Variants in ZNF808 observed in about 807,000 individuals in gnomAD.
ZNF808 encodes the protein zinc finger protein 808.
In ZNF808, 5 loss-of-function variants were observed where a neutral mutation model predicts 8.7. The observed-to-expected ratio is 0.58, with a 90% CI of 0.30 to 1.21. The LOEUF (loss-of-function observed/expected upper bound fraction) is 1.21. ZNF808 is among the 50% of genes most tolerant of loss of function. ZNF808 has a pLI of 0.07. For synonymous variants in ZNF808, 380 were observed against 366.0 expected (o/e 1.04, Z -0.44); for missense variants, 1,103 against 1,098.4 (o/e 1.00, Z -0.06).
intron 4 of ZNF808, among the ~76,000 whole-genome samples, chr19:52,550,798 A>G (rs557547930): frequency 6.6e-6 from 1 of 152,200 alleles, no homozygotes; most frequent in South Asian, 2.1e-4. Context: ...GAATACTATT[A>G]GATGGCTTCA....
intron 1 of ZNF808, among the ~76,000 whole-genome samples, chr19:52,531,099 G>T (rs1178257945): frequency 6.6e-6 from 1 of 152,180 alleles, no homozygotes; most frequent in Non-Finnish European, 1.5e-5. Flanking sequence ...TACACTGCAA[G>T]CTGAGTGACA....
downstream of ZNF808, among the ~76,000 whole-genome samples, chr19:52,565,810 C>A (rs761026963): frequency 6.6e-6 from 1 of 152,140 alleles, no homozygotes; most frequent in African/African-American, 2.4e-5. Flanking sequence ...CAGATCGAAC[C>A]AAGGTGTATC....
In ZNF808 at chr19:52,533,897, TCTCAGTAGGAAATTAAGTAA is replaced by T. The variant is rs1174092734; in HGVS notation, c.-20+889_-20+908del. ...AGCAACAAGATAGATTGTACCTGTGTCTCAGTAGGAAATTAAGTAATTCAAACATCAAATGATTCCAATTT... is the reference window on the plus strand; with the variant it reads ...AGCAACAAGATAGATTGTACCTGTGTTTCAAACATCAAATGATTCCAATTT... On this transcript the variant is annotated intron_variant, in intron 2 of 4. Coordinates refer to ENST00000359798, the MANE Select transcript of ZNF808 (RefSeq NM_001039886.4). Among the ~76,000 whole-genome samples the T allele has an allele frequency of 2.2e-3, 333 of 149,922 alleles. 1 individual carries two copies. The highest frequency in any genetic ancestry group is 7.9e-3 in the African/African-American group (323 of 40,686).
intron 2 of ZNF808, among the ~76,000 whole-genome samples, chr19:52,536,549 T>C (rs544966149): frequency 8.5e-5 from 13 of 152,220 alleles, no homozygotes; most frequent in Non-Finnish European, 1.3e-4. Context: ...ATTCTTCCCT[T>C]CGCAGTCACC....
chr19:52,538,582 C>T (rs1339978559), intron 2 of ZNF808, among the ~76,000 whole-genome samples: 91 of 149,372 alleles, frequency 6.1e-4, no homozygotes, highest in Middle Eastern at 3.4e-3. Flanking sequence ...GAGCTGAGAT[C>T]GCACCATTGT....
At chr19:52,543,159 G>A in intron 2 of ZNF808, 107 bp from the exon 3 acceptor site, 2 of 1,142,740 alleles carry the variant, frequency 1.8e-6, no homozygotes, top group Non-Finnish European at 2.5e-6. Flanking sequence ...GCAGTGGGCA[G>A]TGGGGGACTT....
intron 2 of ZNF808, among the ~76,000 whole-genome samples, chr19:52,533,555 C>T (rs535909760): frequency 1.6e-4 from 24 of 151,528 alleles, no homozygotes; most frequent in Non-Finnish European, 2.8e-4. Context: ...AACTTGGGAG[C>T]TCCTTGAAAG....
chr19:52,553,945 C>T lies in ZNF808; in HGVS notation c.1029C>T (p.Tyr343=). The T allele has an allele frequency of 1.9e-6, 3 of 1,614,136 alleles. No individual in the cohort carries two copies. The highest frequency in any genetic ancestry group is 2.5e-6 in the Non-Finnish European group (3 of 1,180,010). ...HKAIHTGEKP[Y]KCNECGKAFN... ...CAATTCATACTGGAGAGAAACCTTA[C>T]AAGTGTAATGAATGTGGCAAGGCTT... The change falls in exon 5 of 5, where the codon TAC becomes TAT. Residue 343 remains tyrosine (Y), a synonymous_variant. Coordinates refer to ENST00000359798, the MANE Select transcript of ZNF808 (RefSeq NM_001039886.4).
intron 2 of ZNF808, among the ~76,000 whole-genome samples, chr19:52,533,811 G>C (rs1189662824): frequency 1.7e-5 from 2 of 120,984 alleles, no homozygotes; most frequent in East Asian, 2.8e-4. Flanking sequence ...CCACTGCACT[G>C]TAGCCTGGGT....
downstream of ZNF808, among the ~76,000 whole-genome samples, chr19:52,565,769 GAAGCCCGC>G (rs1353635710): frequency 6.6e-6 from 1 of 152,120 alleles, no homozygotes; most frequent in Non-Finnish European, 1.5e-5. Context: ...CTGTGACCTG[GAAGCCCGC>G]AATTCCAGTT....
chr19:52,532,928 A>C lies in ZNF808; in HGVS notation c.-101A>C. On this transcript the variant is annotated 5_prime_UTR_variant, in exon 2 of 5. An upstream start codon of the reference 5' UTR is lost. Transcript: ENST00000359798. ...TGTAGATATCTCTTCCAAATGCTTG[A>C]TGAAAAAGGTGGAAGGGTCACTTGA... The C allele has an allele frequency of 5.8e-6, 1 of 171,508 alleles. No homozygotes were observed. Among genetic ancestry groups the C allele is most frequent in the Non-Finnish European group, 1.3e-5 (1 of 78,372 alleles). 10.6% of individuals were successfully genotyped at this position (171,508 alleles called of 1,614,324 possible).
intron 4 of ZNF808, 101 bp downstream of exon 4, chr19:52,547,739 G>GGTTT (rs1491196956): frequency 5.9e-5 from 60 of 1,011,796 alleles, no homozygotes; most frequent in African/African-American, 4.6e-4. Context: ...ATCCATGCTG[G>GGTTT]TTTTTTTTTT....
chr19:52,549,362 TTTAC>T (rs1214839886), intron 4 of ZNF808, among the ~76,000 whole-genome samples: 3 of 152,014 alleles, frequency 2.0e-5, no homozygotes, highest in Non-Finnish European at 4.4e-5. Flanking sequence ...CTTCATAGAG[TTTAC>T]TTGTTTGTTT....
chr19:52,542,668 G>A (rs2059683002), intron 2 of ZNF808, among the ~76,000 whole-genome samples: 1 of 152,140 alleles, frequency 6.6e-6, no homozygotes, highest in South Asian at 2.1e-4. Context: ...GGAGACATGA[G>A]ACATCAATCA....
downstream of ZNF808, chr19:52,556,646 TA>T (rs1297772991): frequency 1.3e-5 from 2 of 152,052 alleles, no homozygotes; most frequent in Non-Finnish European, 2.9e-5. Context: ...TTCTATTTTT[TA>T]TTTTTTTGAG....
intron 1 of ZNF808, among the ~76,000 whole-genome samples, chr19:52,528,930 G>A (rs541939285): frequency 1.1e-4 from 17 of 151,404 alleles, no homozygotes; most frequent in African/African-American, 4.2e-4. Flanking sequence ...GGAAGAGAAG[G>A]AATAGAGGGA....
chr19:52,532,743 A>C (rs531309499), intron 1 of ZNF808, among the ~76,000 whole-genome samples, 165 bp from the exon 2 acceptor site: 48,396 of 152,050 alleles, frequency 0.32, 8,442 homozygotes, highest in East Asian at 0.5. Flanking sequence ...TAAAGTATTT[A>C]TTAAGTATTT....
intron 4 of ZNF808, among the ~76,000 whole-genome samples, chr19:52,550,217 C>G (rs1476988734): frequency 6.6e-6 from 1 of 151,614 alleles, no homozygotes; most frequent in African/African-American, 2.4e-5. Context: ...TGATAATTTG[C>G]CTCCAGGGTT....
rs2123202695 is a variant in ZNF808 at position 52,554,458 on chromosome 19, T to C, written c.1542T>C (p.Asn514=). 6.2e-7 allele frequency: 1 copy of C among 1,614,100 alleles called. No individual in the cohort carries two copies. Among genetic ancestry groups the C allele is most frequent in the Non-Finnish European group, 8.5e-7 (1 of 1,180,008 alleles). Residue 514 remains asparagine, a synonymous_variant, in exon 5 of 5, where the codon AAT becomes AAC. Transcript: ENST00000359798. ...LHSGEKPYKC[N]QCGNTFRHRA... ...GTGGTGAAAAACCTTACAAGTGTAATCAGTGTGGCAATACCTTCCGTCACC... is the reference window on the plus strand; with the variant it reads ...GTGGTGAAAAACCTTACAAGTGTAACCAGTGTGGCAATACCTTCCGTCACC...
Sources: gnomAD v4.1 joint callset for allele counts (sites outside exome capture counted in the v4.1 genomes callset) on GRCh38, gnomAD v4.1.1 for gene constraint, MANE v1.5 for transcripts, NCBI Gene and HGNC (gene_info 2026-07-23, HGNC 2026-07-21) for gene names.